PDE10A: variants seen among roughly 807,000 people sequenced by gnomAD.
The protein encoded by PDE10A is cAMP and cAMP-inhibited cGMP 3',5'-cyclic phosphodiesterase 10A.
Under a neutral mutation model 97.7 loss-of-function variants are expected in PDE10A, and 39 were observed. That is an observed-to-expected ratio of 0.40 (90% CI 0.31 to 0.52). The LOEUF (loss-of-function observed/expected upper bound fraction) is 0.52. Among genes scored for constraint, PDE10A ranks in the 20% least tolerant of loss-of-function variants. The probability of loss-of-function intolerance (pLI) is 0.56; values close to 1 mark genes in which losing one functional copy is unlikely to be tolerated. For synonymous variants in PDE10A, 371 were observed against 376.8 expected (o/e 0.98, Z 0.18); for missense variants, 731 against 1,047.8 (o/e 0.70, Z 4.17).
At chr6:165,976,326 T>C (rs2128502743) in intron 1 of PDE10A, among the ~76,000 whole-genome samples, 1 of 152,288 alleles carries the variant, frequency 6.6e-6, no homozygotes, top group Non-Finnish European at 1.5e-5. Flanking sequence ...ATCAGGCCTC[T>C]CACCATCTTT....
intron 1 of PDE10A, among the ~76,000 whole-genome samples, chr6:165,859,255 T>C (rs1780835004): frequency 6.6e-6 from 1 of 152,218 alleles, no homozygotes; most frequent in Non-Finnish European, 1.5e-5. Context: ...CAGAGCACAC[T>C]AGACAGCGCA....
At chr6:165,406,581 A>G (rs966488941) in intron 13 of PDE10A, among the ~76,000 whole-genome samples, 1 of 151,878 alleles carries the variant, frequency 6.6e-6, no homozygotes, top group East Asian at 1.9e-4. Flanking sequence ...TTCCCCCTTC[A>G]TTTCTGACAA....
At chr6:165,686,130 GACACACACAC>G (rs57547290) in intron 1 of PDE10A, among the ~76,000 whole-genome samples, 33,529 of 145,278 alleles carry the variant, frequency 0.23, 4,265 homozygotes, top group Non-Finnish European at 0.29. Flanking sequence ...AATGTGCATG[GACACACACAC>G]ACACACACAC....
At chr6:165,350,363 C>A (rs1782613890) in intron 18 of PDE10A, among the ~76,000 whole-genome samples, 1 of 152,106 alleles carries the variant, frequency 6.6e-6, no homozygotes, top group South Asian at 2.1e-4. Context: ...GGGCATGTAA[C>A]CCCTTTGTTT....
intron 1 of PDE10A, chr6:165,545,296 A>T (rs879572556): frequency 2.2e-6 from 1 of 462,164 alleles, no homozygotes; most frequent in Non-Finnish European, 4.2e-6. Context: ...CAGTCTAGCT[A>T]CTTTCCCATC....
chr6:165,503,398 A>C (rs1348143383), intron 2 of PDE10A, among the ~76,000 whole-genome samples: 1 of 152,232 alleles, frequency 6.6e-6, no homozygotes, highest in Non-Finnish European at 1.5e-5. Context: ...AGCAATCTGC[A>C]CAGGGAATGA....
At chr6:165,793,267 T>C (rs1285156645) in intron 1 of PDE10A, among the ~76,000 whole-genome samples, 1 of 152,112 alleles carries the variant, frequency 6.6e-6, no homozygotes, top group Non-Finnish European at 1.5e-5. Context: ...TTTTTCTTTT[T>C]TGTATCTTAA....
chr6:165,439,730 G>A lies in PDE10A; in HGVS notation c.1195-4353C>T, dbSNP rs539912629. Among the ~76,000 whole-genome samples, 175 of 152,224 alleles carry A rather than the reference G, an allele frequency of 1.1e-3. 2 individuals carry two copies. The Middle Eastern group carries it at 0.014, about 12-fold the overall frequency. ...TAATTTAAACTAGAAAAGATTGGGC[G>A]CACAAGTCATAATCAATAGGTTGGT... is the stretch of plus-strand genomic sequence containing the variant. On this transcript the variant is annotated intron_variant, in intron 5 of 21. Coordinates refer to ENST00000539869, the MANE Select transcript of PDE10A (RefSeq NM_001385079.1).
chr6:165,398,198 G>A (rs1786327495), intron 13 of PDE10A, among the ~76,000 whole-genome samples: 2 of 151,994 alleles, frequency 1.3e-5, no homozygotes, highest in African/African-American at 2.4e-5. Flanking sequence ...GAAGTATGTC[G>A]ATCCAAATGG....
intron 1 of PDE10A, among the ~76,000 whole-genome samples, chr6:165,822,240 G>A (rs1779594909): frequency 6.6e-6 from 1 of 151,818 alleles, no homozygotes; most frequent in African/African-American, 2.4e-5. Flanking sequence ...GGATGGCACA[G>A]CCCACCACAC....
intron 1 of PDE10A, among the ~76,000 whole-genome samples, chr6:165,634,428 A>C (rs1187362711): frequency 2.6e-5 from 4 of 152,202 alleles, no homozygotes; most frequent in Admixed American, 2.6e-4. Context: ...CCCTTATGTA[A>C]AACAAAGGTA....
At chr6:165,601,246 C>T (rs907105587) in intron 1 of PDE10A, among the ~76,000 whole-genome samples, 7 of 152,146 alleles carry the variant, frequency 4.6e-5, no homozygotes, top group Non-Finnish European at 8.8e-5. Flanking sequence ...TCCTCAGCCA[C>T]GTGGAACTGA....
At chr6:165,818,747 G>T (rs1226898512) in intron 1 of PDE10A, among the ~76,000 whole-genome samples, 2 of 152,228 alleles carry the variant, frequency 1.3e-5, no homozygotes, top group African/African-American at 4.8e-5. Flanking sequence ...TTCCGAAGGT[G>T]ATTGATAAAT....
intron 1 of PDE10A, among the ~76,000 whole-genome samples, chr6:165,832,312 T>C (rs1779944375): frequency 6.6e-6 from 1 of 152,154 alleles, no homozygotes; most frequent in Non-Finnish European, 1.5e-5. Context: ...GCCGCTCTCA[T>C]TCAACCGCTT....
chr6:165,885,944 T>G (rs1041385548), intron 1 of PDE10A, among the ~76,000 whole-genome samples: 2 of 152,224 alleles, frequency 1.3e-5, no homozygotes, highest in African/African-American at 4.8e-5. Context: ...TGTGGGATTT[T>G]ATATACCTTA....
intron 3 of PDE10A, among the ~76,000 whole-genome samples, chr6:165,455,553 C>T (rs992652954): frequency 2.0e-5 from 3 of 152,228 alleles, no homozygotes; most frequent in African/African-American, 7.2e-5. Context: ...TCTTAGGCTG[C>T]ATTTCAAACT....
intron 1 of PDE10A, among the ~76,000 whole-genome samples, chr6:165,775,954 A>C (rs894424350): frequency 5.9e-5 from 9 of 152,246 alleles, no homozygotes; most frequent in Admixed American, 5.9e-4. Context: ...TATGGAATTC[A>C]ACTTGAATAA....
chr6:165,773,588 A>T (rs1778078044), intron 1 of PDE10A, among the ~76,000 whole-genome samples: 1 of 152,352 alleles, frequency 6.6e-6, no homozygotes, highest in African/African-American at 2.4e-5. Flanking sequence ...TATAGCCAAG[A>T]ACAAAAAATA....
At chr6:165,371,576 G>A (rs1784250756) in intron 18 of PDE10A, among the ~76,000 whole-genome samples, 1 of 152,142 alleles carries the variant, frequency 6.6e-6, no homozygotes, top group Non-Finnish European at 1.5e-5. Flanking sequence ...TGAAATTGTG[G>A]CAATAATCAA....
Sources: gnomAD v4.1 joint callset for allele counts (sites outside exome capture counted in the v4.1 genomes callset) on GRCh38, gnomAD v4.1.1 for gene constraint, MANE v1.5 for transcripts, NCBI Gene and HGNC (gene_info 2026-07-23, HGNC 2026-07-21) for gene names.